The following DIPK1A variants were observed in gnomAD, a reference collection of about 807,000 sequenced individuals.
The protein encoded by DIPK1A is divergent protein kinase domain 1A, also known as family with sequence similarity 69 member A.
DIPK1A carries 27 observed loss-of-function variants against 40.8 expected under a neutral mutation model. That is an observed-to-expected ratio of 0.66 (90% CI 0.49 to 0.91). The LOEUF is 0.91. DIPK1A is among the 40% of genes least tolerant of loss of function. The pLI, the probability that DIPK1A is intolerant of heterozygous loss-of-function variation, is 0.00. For missense variants in DIPK1A, 412 were observed against 505.7 expected (o/e 0.81, Z 1.78); for synonymous variants, 166 against 171.3 (o/e 0.97, Z 0.24).
chr1:92,955,970 A>C (rs370130191), intron 1 of DIPK1A, among the ~76,000 whole-genome samples: 1 of 151,962 alleles, frequency 6.6e-6, no homozygotes, highest in African/African-American at 2.4e-5. Context: ...TGGGAGGTAG[A>C]GGCTGCAGTG....
intron 1 of DIPK1A, among the ~76,000 whole-genome samples, chr1:92,886,579 T>C (rs1053806209): frequency 1.3e-5 from 2 of 152,080 alleles, no homozygotes; most frequent in Non-Finnish European, 2.9e-5. Context: ...CCATAACTTA[T>C]CTAACCCTAT....
chr1:92,841,676 T>C, downstream of DIPK1A: 1 of 775,680 alleles, frequency 1.3e-6, no homozygotes. Context: ...AAATATTCTC[T>C]ATCAAAATTA....
At chr1:92,834,987 C>T in intron 4 of DIPK1A, 1 of 1,587,776 alleles carries the variant, frequency 6.3e-7, no homozygotes, top group Admixed American at 1.7e-5. Context: ...GATGTTTGTA[C>T]ATGGATAAGA....
chr1:92,939,931 G>A (rs879890544), intron 1 of DIPK1A, among the ~76,000 whole-genome samples: 4 of 140,188 alleles, frequency 2.9e-5, no homozygotes, highest in Admixed American at 2.3e-4. Flanking sequence ...CAGCCTAGGC[G>A]ACAGAGTGAG....
At chr1:92,852,236 C>T (rs762774068) in intron 2 of DIPK1A, among the ~76,000 whole-genome samples, 13 of 152,162 alleles carry the variant, frequency 8.5e-5, no homozygotes, top group South Asian at 2.1e-4. Context: ...CAGTGGCTCA[C>T]GCCTATAATC....
At chr1:92,908,227 G>C (rs1649700481) in intron 1 of DIPK1A, among the ~76,000 whole-genome samples, 2 of 152,134 alleles carry the variant, frequency 1.3e-5, no homozygotes, top group South Asian at 4.1e-4. Context: ...AGAGGTTTGG[G>C]AATCACAGGG....
chr1:92,861,211 A>G (rs543557041), intron 2 of DIPK1A, among the ~76,000 whole-genome samples: 11 of 151,988 alleles, frequency 7.2e-5, no homozygotes, highest in African/African-American at 2.4e-4. Context: ...GTCTTTTATC[A>G]GGTTAAGAAA....
chr1:92,837,438 T>C (rs1475430326), downstream of DIPK1A: 1 of 1,603,770 alleles, frequency 6.2e-7, no homozygotes, highest in Admixed American at 1.7e-5. Flanking sequence ...TACTAAAATA[T>C]GAATAACTTT....
chr1:92,850,738 C>T, intron 3 of DIPK1A, 110 bp downstream of exon 3: 1 of 657,870 alleles, frequency 1.5e-6, no homozygotes, highest in South Asian at 2.0e-5. Flanking sequence ...AATTGAAATA[C>T]ATATAATGTC....
intron 1 of DIPK1A, among the ~76,000 whole-genome samples, chr1:92,914,659 C>G (rs1649973522): frequency 6.6e-6 from 1 of 151,328 alleles, no homozygotes; most frequent in South Asian, 2.1e-4. Context: ...GTCCCAGCTA[C>G]TTGGGAGACT....
chr1:92,845,466 C>T, intron 4 of DIPK1A: 1 of 337,564 alleles, frequency 3.0e-6, no homozygotes, highest in South Asian at 2.0e-5. Flanking sequence ...CTCAGGAGTT[C>T]TAGACCCGCC....
chr1:92,843,269 G>T lies in DIPK1A; in HGVS notation c.*114C>A, dbSNP rs866804790. On this transcript the variant is annotated 3_prime_UTR_variant, in exon 5 of 5. Transcript: ENST00000370310. ...CACATACTGATGGCTTCTCAGGCCTGGGGGGAAGGAGTTTTGTGTAACTGG... is the reference window on the plus strand; with the variant it reads ...CACATACTGATGGCTTCTCAGGCCTTGGGGGAAGGAGTTTTGTGTAACTGG... 3.5e-6 allele frequency: 5 copies of T among 1,448,462 alleles called. No individual in the cohort carries two copies. The highest frequency in any genetic ancestry group is 4.5e-6 in the Non-Finnish European group (5 of 1,101,276). The allele number at this position is 1,448,462 out of a possible 1,614,324, so 89.7% of individuals were successfully genotyped here.
downstream of DIPK1A, among the ~76,000 whole-genome samples, chr1:92,838,774 A>G (rs1003533956): frequency 2.0e-5 from 3 of 152,232 alleles, no homozygotes; most frequent in Non-Finnish European, 4.4e-5. Flanking sequence ...AAGTCATCAA[A>G]TGGATTTGTT....
chr1:92,959,038 C>A (rs1042250569), intron 1 of DIPK1A, among the ~76,000 whole-genome samples: 4 of 152,178 alleles, frequency 2.6e-5, no homozygotes. Context: ...GTAATCCCAT[C>A]ACTTTGGGAG....
chr1:92,833,221 AG>A (rs1384703586), intron 4 of DIPK1A: 1 of 658,456 alleles, frequency 1.5e-6, no homozygotes, highest in Non-Finnish European at 2.7e-6. Context: ...TGGAAGGTAG[AG>A]GAAAAAGATT....
downstream of DIPK1A, chr1:92,837,754 G>C: frequency 1.3e-6 from 1 of 785,518 alleles, no homozygotes; most frequent in Non-Finnish European, 2.2e-6. Context: ...AGCTAGACTT[G>C]TCAACATTCT....
intron 2 of DIPK1A, among the ~76,000 whole-genome samples, chr1:92,865,143 C>A (rs1647476800): frequency 6.6e-6 from 1 of 151,650 alleles, no homozygotes; most frequent in Non-Finnish European, 1.5e-5. Flanking sequence ...GGGAGGATCG[C>A]TTAAGGGCAG....
In DIPK1A at chr1:92,924,347, C is replaced by T. The variant is rs141651185; in HGVS notation, c.54+37029G>A. Among the ~76,000 whole-genome samples the T allele has an allele frequency of 3.0e-3, 460 of 151,516 alleles. 4 individuals carry two copies. The highest frequency in any genetic ancestry group is 0.01 in the African/African-American group (428 of 41,256). The stretch of plus-strand genomic sequence containing the variant: ...ACTTCTCCTTGCCTTATTGCATTGG[C>T]AAGGACATTCAGAAAAATGTTGAGT... On this transcript the variant is annotated intron_variant, in intron 1 of 4. Transcript: ENST00000370310.
chr1:92,833,522 C>G (rs1413323268), intron 4 of DIPK1A: 1 of 1,611,918 alleles, frequency 6.2e-7, no homozygotes, highest in Non-Finnish European at 8.5e-7. Flanking sequence ...AGTATCCTTT[C>G]TACAATTATT....
Sources: allele counts gnomAD v4.1 joint callset (sites outside exome capture counted in the v4.1 genomes callset), GRCh38; gene constraint gnomAD v4.1.1; transcripts MANE v1.5; gene names NCBI Gene and HGNC (gene_info 2026-07-23, HGNC 2026-07-21).